Variants in ARPP21 observed in about 807,000 individuals in gnomAD.
The protein encoded by ARPP21 is cAMP regulated phosphoprotein 21, also known as cAMP-regulated phosphoprotein 21.
ARPP21 carries 69 observed loss-of-function variants against 113.2 expected under a neutral mutation model. That is an observed-to-expected ratio of 0.61 (90% CI 0.50 to 0.74). ARPP21 has a LOEUF of 0.74. ARPP21 is among the 30% of genes least tolerant of loss of function. ARPP21 has a pLI of 0.00. For missense variants in ARPP21, 1,070 were observed against 1,037.4 expected, an observed-to-expected ratio of 1.03 and a Z score of -0.43; for synonymous variants, 368 against 375.5, an observed-to-expected ratio of 0.98 and a Z score of 0.23.
chr3:35,714,611 A>G (rs929340155), intron 11 of ARPP21, among the ~76,000 whole-genome samples: 2 of 152,132 alleles, frequency 1.3e-5, no homozygotes, highest in Admixed American at 6.5e-5. Context: ...CAGTCACCCT[A>G]TTATAGGACC....
chr3:35,667,966 GAA>G (rs1559549207), intron 1 of ARPP21, among the ~76,000 whole-genome samples: 1 of 103,724 alleles, frequency 9.6e-6, no homozygotes, highest in Non-Finnish European at 2.1e-5. Context: ...AGAAGAAGAA[GAA>G]GAAGAAGAAG....
intron 1 of ARPP21, among the ~76,000 whole-genome samples, chr3:35,659,215 TCCC>T (rs1706483368): frequency 1.3e-5 from 2 of 152,160 alleles, no homozygotes; most frequent in Non-Finnish European, 2.9e-5. Context: ...TAACATTACG[TCCC>T]AGCACACATA....
intron 19 of ARPP21, among the ~76,000 whole-genome samples, chr3:35,787,189 T>C (rs780471533): frequency 6.6e-6 from 1 of 152,198 alleles, no homozygotes; most frequent in East Asian, 1.9e-4. Flanking sequence ...AGAGTCCCTG[T>C]GTATCTTCTT....
intron 19 of ARPP21, among the ~76,000 whole-genome samples, chr3:35,762,961 T>A (rs924803936): frequency 6.6e-6 from 1 of 152,106 alleles, no homozygotes; most frequent in Non-Finnish European, 1.5e-5. Flanking sequence ...CTGATTCTGA[T>A]GCCCAGACAC....
At chr3:35,703,714 A>G (rs1325773021) in intron 9 of ARPP21, among the ~76,000 whole-genome samples, 1 of 151,856 alleles carries the variant, frequency 6.6e-6, no homozygotes, top group Non-Finnish European at 1.5e-5. Context: ...TCATTGATTT[A>G]ATAAATACCA....
intron 7 of ARPP21, 136 bp downstream of exon 7, chr3:35,689,521 A>G (rs2081605094): frequency 6.9e-6 from 4 of 581,058 alleles, no homozygotes; most frequent in Non-Finnish European, 1.2e-5. Context: ...TGTCTCCTGT[A>G]TTTTTTTTCT....
rs1481994639 is a variant in ARPP21, at chr3:35,750,644, C to T, written c.2137+6679C>T. Among the ~76,000 whole-genome samples, 4 of 152,068 alleles carry T rather than the reference C, an allele frequency of 2.6e-5. No individual in the cohort carries two copies. The East Asian group carries it at 5.8e-4, about 22-fold the overall frequency. The stretch of plus-strand genomic sequence containing the variant: ...TCTGTTTTTATGTTTACAGTTCCAT[C>T]AGTTGCTGAGAGGTGGATATTCACA... On this transcript the variant is annotated intron_variant, in intron 19 of 20. Coordinates refer to ENST00000684406, the MANE Select transcript of ARPP21 (RefSeq NM_001385562.1).
chr3:35,670,674 A>G (rs2076115441), intron 1 of ARPP21, among the ~76,000 whole-genome samples: 1 of 152,112 alleles, frequency 6.6e-6, no homozygotes, highest in Non-Finnish European at 1.5e-5. Context: ...ACACACGCCA[A>G]TTCAGATGGT....
intron 19 of ARPP21, among the ~76,000 whole-genome samples, chr3:35,771,803 A>C (rs2096213692): frequency 6.6e-6 from 1 of 152,250 alleles, no homozygotes. Flanking sequence ...ATTATAGTCA[A>C]GAAGGAAAGG....
chr3:35,700,284 C>T (rs2085840368), intron 9 of ARPP21, among the ~76,000 whole-genome samples: 1 of 151,764 alleles, frequency 6.6e-6, no homozygotes, highest in South Asian at 2.1e-4. Flanking sequence ...TGTTTTTAGG[C>T]TTGCTTCTCA....
At chr3:35,660,773 G>T (rs543999288) in intron 1 of ARPP21, among the ~76,000 whole-genome samples, 2 of 152,146 alleles carry the variant, frequency 1.3e-5, no homozygotes, top group African/African-American at 2.4e-5. Context: ...TTTTTGTGGG[G>T]TACTACTCTC....
chr3:35,777,603 AG>A, intron 19 of ARPP21, among the ~76,000 whole-genome samples: 1 of 152,348 alleles, frequency 6.6e-6, no homozygotes, highest in East Asian at 1.9e-4. Context: ...ACTAACTTCC[AG>A]TATAGCATTT....
At chr3:35,739,211 T>C in intron 17 of ARPP21, 106 bp from the exon 18 acceptor site, 1 of 1,321,532 alleles carries the variant, frequency 7.6e-7, no homozygotes, top group African/African-American at 1.5e-5. Flanking sequence ...TTGTACTTCC[T>C]GTCTCTCCCA....
intron 1 of ARPP21, among the ~76,000 whole-genome samples, chr3:35,650,864 T>C (rs1286323419): frequency 6.6e-6 from 1 of 152,110 alleles, no homozygotes; most frequent in Non-Finnish European, 1.5e-5. Context: ...GATTGTGAAC[T>C]GAATCCACAG....
chr3:35,745,943 A>T (rs982791623), intron 19 of ARPP21, among the ~76,000 whole-genome samples: 2 of 152,190 alleles, frequency 1.3e-5, no homozygotes, highest in African/African-American at 2.4e-5. Flanking sequence ...TAATGAGAAG[A>T]GTGCACTCTA....
chr3:35,793,848 C>T lies in ARPP21; in HGVS notation c.2434C>T (p.Leu812Phe), dbSNP rs2096794588. 1 of 1,614,094 alleles carries T rather than the reference C, an allele frequency of 6.2e-7. No individual in the cohort carries two copies. Among genetic ancestry groups the T allele is most frequent in the Non-Finnish European group, 8.5e-7 (1 of 1,180,040 alleles). ...NVTPPTPQNN[L>F]RLIGPHCPSS... ...CACACCGCCCACCCCTCAGAACAAC[C>T]TTAGGCTGATTGGCCCACACTGCCC... Residue 812 changes from leucine to phenylalanine, a missense_variant, in exon 21 of 21, where the codon CTT (leucine) becomes TTT (phenylalanine). Coordinates refer to ENST00000684406, the MANE Select transcript of ARPP21 (RefSeq NM_001385562.1).
intron 19 of ARPP21, among the ~76,000 whole-genome samples, chr3:35,785,905 C>G (rs2096622783): frequency 6.6e-6 from 1 of 151,918 alleles, no homozygotes; most frequent in African/African-American, 2.4e-5. Flanking sequence ...TACCAAGTTC[C>G]TAAGGAATTA....
At chr3:35,713,906 G>A (rs2091891557) in intron 11 of ARPP21, among the ~76,000 whole-genome samples, 1 of 152,162 alleles carries the variant, frequency 6.6e-6, no homozygotes, top group Non-Finnish European at 1.5e-5. Flanking sequence ...CTGAGAAGTA[G>A]CAAAGTATGA....
At chr3:35,705,573 A>G (rs961845593) in intron 9 of ARPP21, among the ~76,000 whole-genome samples, 7 of 152,144 alleles carry the variant, frequency 4.6e-5, no homozygotes, top group African/African-American at 1.7e-4. Flanking sequence ...TGTGTACAAT[A>G]TAGAGGAACA....
Sources: gnomAD v4.1 joint callset for allele counts (sites outside exome capture counted in the v4.1 genomes callset) on GRCh38, gnomAD v4.1.1 for gene constraint, MANE v1.5 for transcripts, NCBI Gene and HGNC (gene_info 2026-07-23, HGNC 2026-07-21) for gene names.